Variants in GNG11 observed in about 807,000 individuals in gnomAD.
GNG11 encodes the protein guanine nucleotide-binding protein G(I)/G(S)/G(O) subunit gamma-11.
GNG11 carries 6 observed loss-of-function variants against 7.4 expected under a neutral mutation model. The observed-to-expected ratio is 0.81, with a 90% CI of 0.44 to 1.60. GNG11 has a LOEUF of 1.60. Among genes scored for constraint, GNG11 ranks in the 40% most tolerant of loss-of-function variants. GNG11 has a pLI of 0.01. For missense variants in GNG11, 65 were observed against 83.0 expected, an observed-to-expected ratio of 0.78 and a Z score of 0.84; for synonymous variants, 31 against 25.9, an observed-to-expected ratio of 1.20 and a Z score of -0.60.
rs1215227385 is a variant in GNG11, at chr7:93,922,234, G to GT, written c.96+2dup. On this transcript the variant is annotated splice_donor_variant, in intron 1 of 1. Coordinates refer to ENST00000248564, the MANE Select transcript of GNG11 (RefSeq NM_004126.4). LOFTEE classifies it high-confidence loss of function. ...AGAAGTGAAGTTGCAGAGACAACAAGTAAGTTGGCTGTTCCGGAATATTTC... is the reference window on the plus strand; with the variant it reads ...AGAAGTGAAGTTGCAGAGACAACAAGTTAAGTTGGCTGTTCCGGAATATTTC... 6.5e-7 allele frequency: 1 copy of GT among 1,543,966 alleles called. No homozygotes were observed.
chr7:93,924,800 G>A (rs556351824), intron 1 of GNG11, among the ~76,000 whole-genome samples: 1 of 152,352 alleles, frequency 6.6e-6, no homozygotes, highest in South Asian at 2.1e-4. Flanking sequence ...CGTTAAAACA[G>A]TTTGAGGTTA....
At chr7:93,922,936 C>CCAGT (rs1230972771) in intron 1 of GNG11, among the ~76,000 whole-genome samples, 3 of 151,860 alleles carry the variant, frequency 2.0e-5, no homozygotes, top group Non-Finnish European at 4.4e-5. Flanking sequence ...AACATATGAC[C>CCAGT]CAGTATTCAA....
Position 93,927,028 on chromosome 7 carries a change from T to C in GNG11, c.*812T>C, listed in dbSNP as rs991013638. On this transcript the variant is annotated 3_prime_UTR_variant, in exon 2 of 2. Transcript: ENST00000248564. ...TGGGCATGGCACTACTCCAGTTCTG[T>C]GGCATTGGTGCAGACACTTGGACCT... The C allele has an allele frequency of 5.3e-5, 8 of 152,280 alleles. No homozygotes were observed. Among genetic ancestry groups the C allele is most frequent in the African/African-American group, 1.9e-4 (8 of 41,460 alleles). 9.4% of individuals were successfully genotyped at this position (152,280 alleles called of 1,614,324 possible).
rs1283374476 is a variant in GNG11 at position 93,926,122 on chromosome 7, A to G, written c.128A>G (p.Tyr43Cys). The change falls in exon 2 of 2, where the codon TAT (tyrosine) becomes TGT (cysteine). Residue 43 changes from tyrosine to cysteine, a missense_variant. By Grantham distance (194) the Tyr-to-Cys change is radical. Transcript: ENST00000248564. ...AAATGTTCTGAAGAAATAAAGAACT[A>G]TATTGAAGAACGTTCTGGAGAGGAT... Reference protein sequence around the residue: ...VSKCSEEIKNYIEERSGEDPL... With the variant: ...VSKCSEEIKNCIEERSGEDPL... 4 of 1,545,596 alleles carry G rather than the reference A, an allele frequency of 2.6e-6. No homozygotes were observed. The highest frequency in any genetic ancestry group is 3.5e-6 in the Non-Finnish European group (4 of 1,129,878).
chr7:93,924,760 A>C (rs575412818), intron 1 of GNG11, among the ~76,000 whole-genome samples: 51 of 152,378 alleles, frequency 3.3e-4, no homozygotes, highest in Non-Finnish European at 6.3e-4. Flanking sequence ...TCATTTTGGG[A>C]TACACATGCA....
At chr7:93,925,180 T>C (rs1331609868) in intron 1 of GNG11, among the ~76,000 whole-genome samples, 1 of 152,122 alleles carries the variant, frequency 6.6e-6, no homozygotes, top group Non-Finnish European at 1.5e-5. Context: ...AAATAAATAA[T>C]TAAATTAAAT....
At chr7:93,925,527 A>G (rs574292035) in intron 1 of GNG11, among the ~76,000 whole-genome samples, 37 of 152,308 alleles carry the variant, frequency 2.4e-4, no homozygotes, top group East Asian at 9.6e-4. Context: ...GACAATTCCA[A>G]TCTTTCCAGA....
At position 93,921,898 on chromosome 7, in the gene GNG11, G is replaced by T. The variant is rs970692155; in HGVS notation, c.-240G>T. On this transcript the variant is annotated 5_prime_UTR_variant, in exon 1 of 2. Transcript: ENST00000248564. ...AGCACCCGGGCAGGCCTCCTGGGTT[G>T]CAGGGACTTGAGAAAAGGCAGAGTT... The T allele has an allele frequency of 1.9e-5, 7 of 376,026 alleles. No individual in the cohort carries two copies. The highest frequency in any genetic ancestry group is 3.4e-5 in the Non-Finnish European group (7 of 208,210). 23.3% of individuals were successfully genotyped at this position (376,026 alleles called of 1,614,324 possible).
In GNG11 at chr7:93,927,482, G is replaced by T. The variant is rs1794693101; in HGVS notation, c.*1266G>T. The T allele has an allele frequency of 6.6e-6, 1 of 152,146 alleles. No homozygotes were observed. The highest frequency in any genetic ancestry group is 1.5e-5 in the Non-Finnish European group (1 of 68,036). 9.4% of individuals were successfully genotyped at this position (152,146 alleles called of 1,614,324 possible). A position where few individuals can be genotyped will look rare whatever the true frequency, so the allele number is the denominator to read the frequency against. Reference sequence around the variant, plus strand: ...AGAAAAACGTGGAAAAACCCTTGCTGGTTAGCTCTAGCTCAAATGGACTTA... The same window carrying T: ...AGAAAAACGTGGAAAAACCCTTGCTTGTTAGCTCTAGCTCAAATGGACTTA... On this transcript the variant is annotated 3_prime_UTR_variant, in exon 2 of 2. Transcript: ENST00000248564.
chr7:93,925,461 A>T (rs926453745), intron 1 of GNG11, among the ~76,000 whole-genome samples: 2 of 152,148 alleles, frequency 1.3e-5, no homozygotes. Context: ...TATTATGATC[A>T]TTGCCCTCAT....
chr7:93,922,967 C>T (rs554266749), intron 1 of GNG11, among the ~76,000 whole-genome samples: 51 of 152,234 alleles, frequency 3.4e-4, no homozygotes, highest in African/African-American at 1.1e-3. Flanking sequence ...TGAAACGTCT[C>T]GGGAGTTTTA....
At chr7:93,925,143 A>G (rs548309817) in intron 1 of GNG11, among the ~76,000 whole-genome samples, 24 of 152,300 alleles carry the variant, frequency 1.6e-4, no homozygotes, top group South Asian at 4.1e-4. Context: ...CAGCCTGGGC[A>G]ATAGAGCAAG....
Position 93,926,153 on chromosome 7 carries a change from A to G in GNG11, c.159A>G (p.Leu53=). 2 of 1,587,010 alleles carry G rather than the reference A, an allele frequency of 1.3e-6. No homozygotes were observed. Among genetic ancestry groups the G allele is most frequent in the Non-Finnish European group, 1.7e-6 (2 of 1,160,536 alleles). The change falls in exon 2 of 2, where the codon CTA becomes CTG. Residue 53 remains leucine, a synonymous_variant. Coordinates refer to ENST00000248564, the MANE Select transcript of GNG11 (RefSeq NM_004126.4). ...AAGAACGTTCTGGAGAGGATCCTCT[A>G]GTAAAGGGAATTCCAGAAGACAAGA... ...YIEERSGEDP[L]VKGIPEDKNP...
chr7:93,925,923 A>G (rs1794672126), intron 1 of GNG11, among the ~76,000 whole-genome samples, 168 bp from the exon 2 acceptor site: 1 of 151,204 alleles, frequency 6.6e-6, no homozygotes, highest in South Asian at 2.1e-4. Flanking sequence ...CAGATTTTAT[A>G]TATGTATTAT....
rs778678349 is a variant in GNG11 at position 93,926,936 on chromosome 7, G to A, written c.*720G>A. The stretch of plus-strand genomic sequence containing the variant: ...TCTCTGCCGTGTAGTGGCCAGGCCA[G>A]CCCTGGCTTTGAGAGCCAGTACTTA... On this transcript the variant is annotated 3_prime_UTR_variant, in exon 2 of 2. Transcript: ENST00000248564. The A allele has an allele frequency of 6.6e-6, 1 of 152,276 alleles. No individual in the cohort carries two copies. The highest frequency in any genetic ancestry group is 2.4e-5 in the African/African-American group (1 of 41,452). The allele number at this position is 152,276 out of a possible 1,614,324, so 9.4% of individuals were successfully genotyped here. A position where few individuals can be genotyped will look rare whatever the true frequency, so the allele number is the denominator to read the frequency against.
intron 1 of GNG11, among the ~76,000 whole-genome samples, chr7:93,923,043 T>C (rs1794635712): frequency 6.6e-6 from 1 of 152,244 alleles, no homozygotes; most frequent in African/African-American, 2.4e-5. Context: ...CCTCTTCCTG[T>C]TTTAACTCAA....
In GNG11 at chr7:93,927,281, C is replaced by T. The variant is rs956995585; in HGVS notation, c.*1065C>T. On this transcript the variant is annotated 3_prime_UTR_variant, in exon 2 of 2. Coordinates refer to ENST00000248564, the MANE Select transcript of GNG11 (RefSeq NM_004126.4). Reference sequence around the variant, plus strand: ...TGGCTTACCTTTTCACAGTGACCTTCCCTTCAGTGGTTTTATCCTGCAGGG... The same window carrying T: ...TGGCTTACCTTTTCACAGTGACCTTTCCTTCAGTGGTTTTATCCTGCAGGG... 2 of 152,222 alleles carry T rather than the reference C, an allele frequency of 1.3e-5. No homozygotes were observed. Among genetic ancestry groups the T allele is most frequent in the South Asian group, 2.1e-4 (1 of 4,830 alleles). 9.4% of individuals were successfully genotyped at this position (152,222 alleles called of 1,614,324 possible). A position where few individuals can be genotyped will look rare whatever the true frequency, so the allele number is the denominator to read the frequency against.
chr7:93,928,024 C>G lies in GNG11; in HGVS notation c.*1808C>G, dbSNP rs1157483697. The G allele has an allele frequency of 6.6e-6, 1 of 152,148 alleles. No individual in the cohort carries two copies. Among genetic ancestry groups the G allele is most frequent in the African/African-American group, 2.4e-5 (1 of 41,426 alleles). The allele number at this position is 152,148 out of a possible 1,614,324, so 9.4% of individuals were successfully genotyped here. On this transcript the variant is annotated 3_prime_UTR_variant, in exon 2 of 2. Transcript: ENST00000248564. ...TTTACTTCTATTAGCTGTTTCATTTCTTTGCACTTATAAAGTTTTCTTCTG... is the reference window on the plus strand; with the variant it reads ...TTTACTTCTATTAGCTGTTTCATTTGTTTGCACTTATAAAGTTTTCTTCTG...
intron 1 of GNG11, among the ~76,000 whole-genome samples, chr7:93,925,802 G>A (rs889694461): frequency 1.3e-5 from 2 of 152,202 alleles, no homozygotes; most frequent in South Asian, 2.1e-4. Context: ...ATTTAATGCA[G>A]TGACTTTCAA....
Sources: allele counts gnomAD v4.1 joint callset (sites outside exome capture counted in the v4.1 genomes callset), GRCh38; gene constraint gnomAD v4.1.1; transcripts MANE v1.5; gene names NCBI Gene and HGNC (gene_info 2026-07-23, HGNC 2026-07-21).